Variants in FREM1 observed in about 807,000 individuals in gnomAD.
FREM1 encodes the protein FRAS1-related extracellular matrix protein 1.
Under a neutral mutation model 210.1 loss-of-function variants are expected in FREM1, and 220 were observed. The ratio of observed to expected loss-of-function variants is 1.05; its 90% CI spans 0.94 to 1.17. FREM1 has a LOEUF of 1.17. Ranked by LOEUF, FREM1 falls within the 50% of genes most tolerant of loss-of-function variation. The pLI is 0.00. For missense variants in FREM1, 3,454 were observed against 2,675.5 expected, an observed-to-expected ratio of 1.29 and a Z score of -6.42; for synonymous variants, 1,189 against 980.2, an observed-to-expected ratio of 1.21 and a Z score of -3.98.
chr9:14,883,064 C>T lies in FREM1; in HGVS notation c.-267-13820G>A, dbSNP rs1470627057. ...ATATCAAAGAGACAAGAAAGTAAAG[C>T]TTTCTCAGGAAAAACAGAGTAGAAG... is the stretch of plus-strand genomic sequence containing the variant. On this transcript the variant is annotated intron_variant, in intron 1 of 36. Coordinates refer to ENST00000380880, the MANE Select transcript of FREM1 (RefSeq NM_001379081.2). Among the ~76,000 whole-genome samples, 6 of 151,948 alleles carry T rather than the reference C, an allele frequency of 3.9e-5. No homozygotes were observed. The East Asian group carries it at 9.6e-4, about 24-fold the overall frequency.
In FREM1 at chr9:14,784,512, T is replaced by G; in HGVS notation, c.4300A>C (p.Thr1434Pro). Residue 1434 changes from threonine to proline, a missense_variant, in exon 24 of 37, where the codon ACC (threonine) becomes CCC (proline). Physicochemically the swap from Thr to Pro is conservative, Grantham distance 38. Coordinates refer to ENST00000380880, the MANE Select transcript of FREM1 (RefSeq NM_001379081.2). The stretch of plus-strand genomic sequence containing the variant: ...ATCTGGCCATATCGCGGAGGGGAGG[T>G]GATGACATAGAGCAGTTCCTCAGGC... ...DKPEELLYVI[T>P]SPPRYGQIEY... 2 of 1,613,298 alleles carry G rather than the reference T, an allele frequency of 1.2e-6. No homozygotes were observed.
chr9:14,875,455 A>G (rs1833524877), intron 1 of FREM1, among the ~76,000 whole-genome samples: 1 of 152,092 alleles, frequency 6.6e-6, no homozygotes. Flanking sequence ...CCTTTCTTCC[A>G]GTTGATCGCA....
chr9:14,789,814 G>C (rs904255967), intron 22 of FREM1, among the ~76,000 whole-genome samples: 3 of 152,088 alleles, frequency 2.0e-5, no homozygotes, highest in African/African-American at 7.2e-5. Flanking sequence ...AATTTAAAAA[G>C]GTTCTTATGC....
rs543853641 is a variant in FREM1, at chr9:14,851,513, T to C, written c.923A>G (p.Asp308Gly). Residue 308 changes from aspartate (D) to glycine (G), a missense_variant, in exon 6 of 37, where the codon GAT (aspartate) becomes GGT (glycine). Coordinates refer to ENST00000380880, the MANE Select transcript of FREM1 (RefSeq NM_001379081.2). ...AFMAVFILEV[D>G]QFILTSLTTS... Reference sequence around the variant, plus strand: ...AGTCAAGGAGGTCAGGATGAACTGATCCACTTCCAGAATAAACACGGCCAT... The same window carrying C: ...AGTCAAGGAGGTCAGGATGAACTGACCCACTTCCAGAATAAACACGGCCAT... 11 of 1,613,892 alleles carry C rather than the reference T, an allele frequency of 6.8e-6. No individual in the cohort carries two copies. The East Asian group carries it at 2.2e-4, about 33-fold the overall frequency.
Position 14,841,436 on chromosome 9 carries a change from C to A in FREM1, c.1881+11G>T. On this transcript the variant is annotated intron_variant, in intron 10 of 36. Transcript: ENST00000380880. ...AAGACTTTGGGAAAGTGTTCAGAAA[C>A]AGTCTCTTACCTGTGGCACTGAAAG... is the stretch of plus-strand genomic sequence containing the variant. The A allele has an allele frequency of 6.3e-7, 1 of 1,578,764 alleles. No homozygotes were observed.
intron 3 of FREM1, among the ~76,000 whole-genome samples, chr9:14,860,789 A>ACG (rs1829903882): frequency 1.2e-5 from 1 of 86,938 alleles, no homozygotes; most frequent in Non-Finnish European, 2.1e-5. Flanking sequence ...ATACATATAT[A>ACG]CATATATACA....
chr9:14,861,128 C>CAA (rs201055114), intron 3 of FREM1, among the ~76,000 whole-genome samples: 1 of 103,362 alleles, frequency 9.7e-6, no homozygotes, highest in East Asian at 3.2e-4. Context: ...TACATATATA[C>CAA]ACATATATAC....
intron 1 of FREM1, among the ~76,000 whole-genome samples, chr9:14,904,344 C>T (rs993504750): frequency 2.0e-5 from 3 of 152,066 alleles, no homozygotes; most frequent in African/African-American, 7.2e-5. Context: ...ATCCAATTCA[C>T]AGAAAGCACA....
chr9:14,881,001 G>A (rs574393608), intron 1 of FREM1, among the ~76,000 whole-genome samples: 2 of 152,312 alleles, frequency 1.3e-5, no homozygotes, highest in African/African-American at 4.8e-5. Flanking sequence ...TGAAACTGAA[G>A]AATGCAGCAA....
At chr9:14,825,547 G>GTATATA (rs372128983) in intron 10 of FREM1, among the ~76,000 whole-genome samples, 10 of 75,902 alleles carry the variant, frequency 1.3e-4, no homozygotes, top group East Asian at 6.1e-4. Context: ...GTGTGTGTGT[G>GTATATA]TATATATATA....
At chr9:14,872,553 T>C (rs991899019) in intron 1 of FREM1, among the ~76,000 whole-genome samples, 1 of 152,218 alleles carries the variant, frequency 6.6e-6, no homozygotes, top group African/African-American at 2.4e-5. Flanking sequence ...GCTTATCAGC[T>C]TAAGGAGATT....
rs1347986713 is a variant in FREM1 at position 14,747,051 on chromosome 9, C to G, written c.6010G>C (p.Asp2004His). 1 of 1,613,052 alleles carries G rather than the reference C, an allele frequency of 6.2e-7. No homozygotes were observed. The highest frequency in any genetic ancestry group is 1.1e-5 in the South Asian group (1 of 90,896). ...STTDSHFPRQ[D>H]QLPSFPKNCT... ...TTCTTTGGAAATGAGGGCAACTGGT[C>G]CTTTGGGAAGGAAAGGCAATTTAGC... Residue 2004 changes from aspartate (D) to histidine (H), a missense_variant and splice_region_variant, in exon 34 of 37, where the codon GAC becomes CAC. Asp to His is a moderately conservative substitution (Grantham distance 81). Transcript: ENST00000380880.
chr9:14,866,844 C>T (rs1047890941), intron 2 of FREM1, among the ~76,000 whole-genome samples: 2 of 151,930 alleles, frequency 1.3e-5, no homozygotes, highest in Non-Finnish European at 2.9e-5. Flanking sequence ...TCTCTCAAAA[C>T]TCTACAGGCT....
At chr9:14,820,640 C>A (rs1040279046) in intron 13 of FREM1, among the ~76,000 whole-genome samples, 1 of 152,220 alleles carries the variant, frequency 6.6e-6, no homozygotes, top group Non-Finnish European at 1.5e-5. Flanking sequence ...CATGGTGCCA[C>A]AAGGGCAGCC....
intron 1 of FREM1, among the ~76,000 whole-genome samples, chr9:14,894,557 C>G (rs1202295375): frequency 1.3e-5 from 2 of 152,194 alleles, no homozygotes; most frequent in South Asian, 4.1e-4. Flanking sequence ...AAATATCAAG[C>G]AGGACAGGAG....
intron 1 of FREM1, among the ~76,000 whole-genome samples, chr9:14,895,741 G>C (rs941927598): frequency 2.0e-5 from 3 of 151,900 alleles, no homozygotes; most frequent in Admixed American, 1.3e-4. Flanking sequence ...GAACTCCAGA[G>C]TTATGAGTGG....
chr9:14,904,249 G>A (rs1195536590), intron 1 of FREM1, among the ~76,000 whole-genome samples: 2 of 151,770 alleles, frequency 1.3e-5, no homozygotes, highest in African/African-American at 4.8e-5. Flanking sequence ...GAAATATTTA[G>A]AGTTGTGCCT....
At chr9:14,829,386 T>C (rs1823111811) in intron 10 of FREM1, among the ~76,000 whole-genome samples, 3 of 152,190 alleles carry the variant, frequency 2.0e-5, no homozygotes, top group Admixed American at 2.0e-4. Context: ...TCTATCTTGG[T>C]TGCCATGACT....
intron 23 of FREM1, 61 bp downstream of exon 23, chr9:14,788,858 T>C: frequency 1.6e-6 from 2 of 1,273,960 alleles, no homozygotes; most frequent in Middle Eastern, 1.9e-4. Flanking sequence ...GAAACGAATG[T>C]GGAATACTTA....
Sources: allele counts gnomAD v4.1 joint callset (sites outside exome capture counted in the v4.1 genomes callset), GRCh38; gene constraint gnomAD v4.1.1; transcripts MANE v1.5; gene names NCBI Gene and HGNC (gene_info 2026-07-23, HGNC 2026-07-21).